ST3GAL2: variants seen among roughly 807,000 people sequenced by gnomAD.
The protein encoded by ST3GAL2 is ST3 beta-galactoside alpha-2,3-sialyltransferase 2, also known as CMP-N-acetylneuraminate-beta-galactosamide-alpha-2,3-sialyltransferase 2.
A neutral mutation model predicts 37.5 loss-of-function variants in ST3GAL2; 16 were observed. That is an observed-to-expected ratio of 0.43 (90% confidence interval 0.29 to 0.65). ST3GAL2 has a LOEUF of 0.65. Among genes scored for constraint, ST3GAL2 ranks in the 30% least tolerant of loss-of-function variants. ST3GAL2 has a pLI of 0.17. For missense variants in ST3GAL2, 383 were observed against 487.8 expected (o/e 0.79, Z 2.02); for synonymous variants, 238 against 202.9 (o/e 1.17, Z -1.47).
At chr16:70,429,910 G>C (rs1029332566) in intron 1 of ST3GAL2, among the ~76,000 whole-genome samples, 7 of 152,100 alleles carry the variant, frequency 4.6e-5, no homozygotes, top group Non-Finnish European at 7.4e-5. Flanking sequence ...CCCAGGCTTA[G>C]AGAGGGGTAA....
At chr16:70,413,443 C>T (rs1175954720) in intron 1 of ST3GAL2, among the ~76,000 whole-genome samples, 1 of 148,836 alleles carries the variant, frequency 6.7e-6, no homozygotes, top group African/African-American at 2.5e-5. Context: ...TGGCCGGGCG[C>T]GGTGGCTCGC....
intron 1 of ST3GAL2, among the ~76,000 whole-genome samples, chr16:70,408,406 G>A (rs1341598633): frequency 6.6e-6 from 1 of 152,096 alleles, no homozygotes; most frequent in African/African-American, 2.4e-5. Flanking sequence ...CTGGGGCGGA[G>A]GGGTGGGGGT....
rs1390701729 is a variant in ST3GAL2 at position 70,379,507 on chromosome 16, G to C, written c.*2182C>G. 1 of 152,200 alleles carries C rather than the reference G, an allele frequency of 6.6e-6. No homozygotes were observed. The highest frequency in any genetic ancestry group is 1.5e-5 in the Non-Finnish European group (1 of 68,032). 9.4% of individuals were successfully genotyped at this position (152,200 alleles called of 1,614,324 possible). A position where few individuals can be genotyped will look rare whatever the true frequency, so the allele number is the denominator to read the frequency against. ...CCCATTTCAGAACAATGAAGGACTA[G>C]ACAGTTTTTTGTTCCTTTTAATTCA... On this transcript the variant is annotated 3_prime_UTR_variant, in exon 7 of 7. Transcript: ENST00000342907.
At chr16:70,399,914 G>C (rs530952940) in intron 1 of ST3GAL2, 1 of 153,086 alleles carries the variant, frequency 6.5e-6, no homozygotes, top group African/African-American at 2.4e-5. Context: ...GCCCCCCACA[G>C]CACTCTCTGG....
At chr16:70,399,865 C>T (rs74026023) in intron 1 of ST3GAL2, 5,225 of 155,862 alleles carry the variant, frequency 0.034, 304 homozygotes, top group African/African-American at 0.12. Context: ...TCAGAGAAAA[C>T]AGCCCAGAGA....
In ST3GAL2 at chr16:70,381,703, A is replaced by G. The variant is rs763187969; in HGVS notation, c.1039T>C (p.Tyr347His). ...CGAGGCCCGGCTCAGTTGCCCCGGT[A>G]GACTTCGATCTTGCTGGCCTTGGCC... The part of the protein sequence containing the change: ...MLAKASKIEV[Y>H]RGN The change falls in exon 7 of 7, where the codon TAC becomes CAC. Residue 347 changes from tyrosine (Y) to histidine (H), a missense_variant. By Grantham distance (83) the Tyr-to-His change is moderately conservative. Coordinates refer to ENST00000342907, the MANE Select transcript of ST3GAL2 (RefSeq NM_006927.4). 1 of 1,613,760 alleles carries G rather than the reference A, an allele frequency of 6.2e-7. No homozygotes were observed. The highest frequency in any genetic ancestry group is 1.1e-5 in the South Asian group (1 of 91,082).
At chr16:70,397,569 C>CA (rs916610743) in intron 2 of ST3GAL2, among the ~76,000 whole-genome samples, 2 of 151,488 alleles carry the variant, frequency 1.3e-5, no homozygotes, top group African/African-American at 2.4e-5. Flanking sequence ...ACTAAAAATA[C>CA]AAAAAAATTA....
intron 1 of ST3GAL2, among the ~76,000 whole-genome samples, chr16:70,407,478 A>C (rs1265884114): frequency 6.6e-6 from 1 of 152,172 alleles, no homozygotes; most frequent in Non-Finnish European, 1.5e-5. Context: ...CAAATTTGGC[A>C]AATTTGGGGA....
intron 1 of ST3GAL2, among the ~76,000 whole-genome samples, chr16:70,435,794 C>CAAAAT (rs375297989): frequency 0.29 from 41,428 of 141,124 alleles, 7,436 homozygotes; most frequent in Non-Finnish European, 0.4. Context: ...AACCTCGTCT[C>CAAAAT]AAAATAAAAT....
At chr16:70,402,283 C>CAAAAAAAA (rs1042560583) in intron 1 of ST3GAL2, among the ~76,000 whole-genome samples, 4 of 40,710 alleles carry the variant, frequency 9.8e-5, no homozygotes, top group Non-Finnish European at 1.4e-4. Flanking sequence ...AACTATTTCT[C>CAAAAAAAA]AAAAAAAAAA....
At chr16:70,419,183 G>A (rs1045345787) in intron 1 of ST3GAL2, among the ~76,000 whole-genome samples, 2 of 152,196 alleles carry the variant, frequency 1.3e-5, no homozygotes, top group African/African-American at 4.8e-5. Context: ...CCCAGCAGGG[G>A]CTGATGGCAA....
intron 3 of ST3GAL2, among the ~76,000 whole-genome samples, chr16:70,389,935 C>T (rs1161084436): frequency 4.0e-5 from 6 of 151,632 alleles, no homozygotes; most frequent in Non-Finnish European, 7.4e-5. Flanking sequence ...TACAGGCGCC[C>T]GCCATCACGC....
chr16:70,408,728 T>C (rs2047611516), intron 1 of ST3GAL2, among the ~76,000 whole-genome samples: 1 of 151,526 alleles, frequency 6.6e-6, no homozygotes, highest in Middle Eastern at 3.2e-3. Context: ...CCAGAGTTTG[T>C]AGCCAGAAAC....
chr16:70,396,512 G>A (rs2047517320), intron 2 of ST3GAL2, among the ~76,000 whole-genome samples: 1 of 152,124 alleles, frequency 6.6e-6, no homozygotes, highest in Non-Finnish European at 1.5e-5. Flanking sequence ...GCTGAGGTGG[G>A]AGGATCGCTC....
At chr16:70,417,934 C>T (rs912175565) in intron 1 of ST3GAL2, among the ~76,000 whole-genome samples, 7 of 152,080 alleles carry the variant, frequency 4.6e-5, no homozygotes, top group Non-Finnish European at 4.4e-5. Context: ...GCTGACAGTC[C>T]GCTCTGATTT....
intron 1 of ST3GAL2, among the ~76,000 whole-genome samples, chr16:70,406,170 G>A (rs1354411316): frequency 2.0e-5 from 3 of 152,250 alleles, no homozygotes; most frequent in Admixed American, 6.5e-5. Context: ...GGTGCTGGGC[G>A]TGGTGGCTCA....
At chr16:70,433,787 C>A (rs80072665) in intron 1 of ST3GAL2, among the ~76,000 whole-genome samples, 1,987 of 152,322 alleles carry the variant, frequency 0.013, 50 homozygotes, top group African/African-American at 0.045. Context: ...TGCTTTCCTG[C>A]CAAAGGCAGC....
intron 3 of ST3GAL2, among the ~76,000 whole-genome samples, chr16:70,389,288 TTTTA>T (rs1390285301): frequency 6.7e-6 from 1 of 149,768 alleles, no homozygotes; most frequent in Non-Finnish European, 1.5e-5. Context: ...CTGTATACAT[TTTTA>T]TTTATTTACT....
chr16:70,383,245 AAAAG>A lies in ST3GAL2; in HGVS notation c.714-14_714-11del, dbSNP rs766796904. 203 of 1,600,228 alleles carry A rather than the reference AAAAG, an allele frequency of 1.3e-4. No individual in the cohort carries two copies. The highest frequency in any genetic ancestry group is 3.3e-4 in the Middle Eastern group (2 of 6,010). On this transcript the variant is annotated splice_polypyrimidine_tract_variant and intron_variant, in intron 4 of 6. Transcript: ENST00000342907. Reference sequence around the variant, plus strand: ...CACTGGGGCGTAGGTGCTGTAAGCAAAAAGAAAGAAAGATAACATTTCAGGCTGG... The same window carrying A: ...CACTGGGGCGTAGGTGCTGTAAGCAAAAAGAAAGATAACATTTCAGGCTGG...
Sources: allele counts gnomAD v4.1 joint callset (sites outside exome capture counted in the v4.1 genomes callset), GRCh38; gene constraint gnomAD v4.1.1; transcripts MANE v1.5; gene names NCBI Gene and HGNC (gene_info 2026-07-23, HGNC 2026-07-21).